AAR2: variants seen among roughly 807,000 people sequenced by gnomAD.
AAR2 encodes the protein AAR2 splicing factor.
AAR2 carries 31 observed loss-of-function variants against 26.9 expected under a neutral mutation model. That is an observed-to-expected ratio of 1.15 (90% CI 0.86 to 1.55). AAR2 has a LOEUF of 1.55. Among genes scored for constraint, AAR2 ranks in the 40% most tolerant of loss-of-function variants. AAR2 has a pLI of 0.00. For synonymous variants in AAR2, 188 were observed against 196.1 expected, an observed-to-expected ratio of 0.96 and a Z score of 0.34; for missense variants, 430 against 491.3, an observed-to-expected ratio of 0.88 and a Z score of 1.18.
At chr20:36,253,944 C>T (rs2064799883) in intron 3 of AAR2, among the ~76,000 whole-genome samples, 1 of 152,150 alleles carries the variant, frequency 6.6e-6, no homozygotes. Flanking sequence ...GAGAAAATAA[C>T]AGGCGTTGGC....
At chr20:36,254,065 T>C (rs531407591) in intron 3 of AAR2, among the ~76,000 whole-genome samples, 1 of 152,316 alleles carries the variant, frequency 6.6e-6, no homozygotes, top group African/African-American at 2.4e-5. Flanking sequence ...GGAGTTCCCG[T>C]ATGATCCAAC....
intron 3 of AAR2, 85 bp from the exon 4 acceptor site, chr20:36,255,493 C>A: frequency 2.0e-6 from 3 of 1,503,806 alleles, no homozygotes; most frequent in East Asian, 4.5e-5. Flanking sequence ...CCCAGAAGAG[C>A]CGAACACCAT....
At chr20:36,242,426 T>C (rs1426654151) in intron 2 of AAR2, among the ~76,000 whole-genome samples, 1 of 152,060 alleles carries the variant, frequency 6.6e-6, no homozygotes, top group Non-Finnish European at 1.5e-5. Flanking sequence ...AGTCTTGCTC[T>C]GTCGCCCAGG....
chr20:36,249,932 A>G (rs535352066), intron 3 of AAR2, among the ~76,000 whole-genome samples: 7 of 152,342 alleles, frequency 4.6e-5, no homozygotes, highest in Non-Finnish European at 8.8e-5. Flanking sequence ...TTGTGAAACA[A>G]TAGTCTTGCT....
chr20:36,240,354 A>G lies in AAR2; in HGVS notation c.486A>G (p.Leu162=), dbSNP rs756638120. ...AGATCTGTGCCTTTTCCGATGTGCT[A>G]CCTGTGCTCTCCATGAAGCACACCA... ...NRQICAFSDV[L]PVLSMKHTKD... is the part of the protein sequence containing the mutation. Residue 162 remains leucine (L), a synonymous_variant, in exon 2 of 4, where the codon CTA becomes CTG. Transcript: ENST00000320849. The G allele has an allele frequency of 6.2e-7, 1 of 1,614,210 alleles. No homozygotes were observed.
At position 36,255,685 on chromosome 20, in the gene AAR2, G is replaced by T. The variant is rs368191287; in HGVS notation, c.1095G>T (p.Ala365=). 28 of 1,614,106 alleles carry T rather than the reference G, an allele frequency of 1.7e-5. No individual in the cohort carries two copies. In the South Asian group the frequency reaches 2.4e-4, roughly 14 times the overall value. ...LTKKFRWDFA[A]EPEDCAPVVV... ...AGAAGTTCCGGTGGGACTTTGCTGC[G>T]GAACCTGAGGACTGTGCCCCGGTGG... Residue 365 remains alanine (A), a synonymous_variant, in exon 4 of 4, where the codon GCG becomes GCT. Transcript: ENST00000320849.
chr20:36,245,050 G>A (rs1301436649), intron 3 of AAR2, 124 bp downstream of exon 3: 1 of 848,294 alleles, frequency 1.2e-6, no homozygotes, highest in Non-Finnish European at 1.8e-6. Context: ...CCTAGTCTTG[G>A]GATATTTCCT....
rs777166312 is a variant in AAR2 at position 36,240,531 on chromosome 20, G to T, written c.663G>T (p.Thr221=). 10 of 1,613,838 alleles carry T rather than the reference G, an allele frequency of 6.2e-6. No homozygotes were observed. The highest frequency in any genetic ancestry group is 8.5e-6 in the Non-Finnish European group (10 of 1,180,032). ...CGCAGATGTTCCCAGAGGGTGCCAC[G>T]CCAGCTGAGATAACCAAGCACAGCA... is the stretch of plus-strand genomic sequence containing the variant. ...LPTQMFPEGA[T]PAEITKHSMD... The change falls in exon 2 of 4, where the codon ACG becomes ACT. Residue 221 remains threonine, a synonymous_variant. Transcript: ENST00000320849.
intron 2 of AAR2, among the ~76,000 whole-genome samples, chr20:36,240,938 A>G (rs1402325151): frequency 1.3e-5 from 2 of 152,174 alleles, no homozygotes; most frequent in Non-Finnish European, 2.9e-5. Flanking sequence ...GAGTGGCTGA[A>G]CTGAGACGAG....
At chr20:36,246,048 T>C (rs2064731698) in intron 3 of AAR2, among the ~76,000 whole-genome samples, 1 of 152,116 alleles carries the variant, frequency 6.6e-6, no homozygotes, top group African/African-American at 2.4e-5. Flanking sequence ...TTTGGAGCCT[T>C]GTAAGATGGG....
Position 36,255,477 on chromosome 20 carries a change from A to G in AAR2, c.988-101A>G, listed in dbSNP as rs1285949296. ...GGCCTATGCCAGCAGCAGCTGATCTACCCGCCCCAGAAGAGCCGAACACCA... is the reference window on the plus strand; with the variant it reads ...GGCCTATGCCAGCAGCAGCTGATCTGCCCGCCCCAGAAGAGCCGAACACCA... On this transcript the variant is annotated intron_variant, in intron 3 of 3. Transcript: ENST00000320849. 3.6e-6 allele frequency: 5 copies of G among 1,375,132 alleles called. No individual in the cohort carries two copies. The African/African-American group carries it at 4.3e-5, about 12-fold the overall frequency. The allele number at this position is 1,375,132 out of a possible 1,614,324, so 85.2% of individuals were successfully genotyped here.
Position 36,239,831 on chromosome 20 carries a change from A to G in AAR2, c.-38A>G. 9 of 1,520,824 alleles carry G rather than the reference A, an allele frequency of 5.9e-6. No individual in the cohort carries two copies. Among genetic ancestry groups the G allele is most frequent in the Non-Finnish European group, 7.9e-6 (9 of 1,134,376 alleles). 94.2% of individuals were successfully genotyped at this position (1,520,824 alleles called of 1,614,324 possible). On this transcript the variant is annotated 5_prime_UTR_variant, in exon 2 of 4. Transcript: ENST00000320849. ...TTCTTTCTTTCTCAGCTGTTCATCA[A>G]AGAAAAAGGGTTCTTTTGGTCACCC...
At chr20:36,253,357 G>A (rs1041677056) in intron 3 of AAR2, among the ~76,000 whole-genome samples, 1 of 152,184 alleles carries the variant, frequency 6.6e-6, no homozygotes. Flanking sequence ...CTGTGTCTCT[G>A]GGTGGGCCTG....
intron 3 of AAR2, among the ~76,000 whole-genome samples, chr20:36,246,432 C>G (rs997902455): frequency 8.5e-5 from 13 of 152,302 alleles, no homozygotes; most frequent in Admixed American, 8.5e-4. Flanking sequence ...CTCAGAAGAG[C>G]TATAAAACTG....
intron 1 of AAR2, among the ~76,000 whole-genome samples, chr20:36,239,175 G>A (rs1176744489): frequency 1.3e-5 from 2 of 152,134 alleles, no homozygotes; most frequent in African/African-American, 4.8e-5. Flanking sequence ...GGGCTCTTTG[G>A]GAAGTTGTTT....
chr20:36,247,374 C>T (rs2064744216), intron 3 of AAR2, among the ~76,000 whole-genome samples: 1 of 152,160 alleles, frequency 6.6e-6, no homozygotes, highest in Non-Finnish European at 1.5e-5. Context: ...AGCTGTGATC[C>T]TGCTTCTCTG....
chr20:36,237,081 G>C (rs1904360743), intron 1 of AAR2, among the ~76,000 whole-genome samples: 1 of 152,192 alleles, frequency 6.6e-6, no homozygotes, highest in Admixed American at 6.5e-5. Flanking sequence ...TGACAAAGTG[G>C]GGAGGGAAGA....
chr20:36,241,837 A>G (rs1290179230), intron 2 of AAR2, among the ~76,000 whole-genome samples: 1 of 152,164 alleles, frequency 6.6e-6, no homozygotes, highest in East Asian at 1.9e-4. Flanking sequence ...ACATACATTT[A>G]GGGATAGAAT....
chr20:36,251,533 AG>A (rs1232175929), intron 3 of AAR2, among the ~76,000 whole-genome samples: 2 of 152,172 alleles, frequency 1.3e-5, no homozygotes, highest in Non-Finnish European at 2.9e-5. Flanking sequence ...AATAAATATC[AG>A]GGATGGATTA....
Sources: gnomAD v4.1 joint callset for allele counts (sites outside exome capture counted in the v4.1 genomes callset) on GRCh38, gnomAD v4.1.1 for gene constraint, MANE v1.5 for transcripts, NCBI Gene and HGNC (gene_info 2026-07-23, HGNC 2026-07-21) for gene names.